The following KIF2A variants were observed in gnomAD, a reference collection of about 807,000 sequenced individuals.
KIF2A encodes kinesin family member 2A, also known as kinesin-like protein KIF2A.
KIF2A carries 22 observed loss-of-function variants against 100.2 expected under a neutral mutation model. The observed-to-expected ratio is 0.22, with a 90% CI of 0.16 to 0.31. The LOEUF (loss-of-function observed/expected upper bound fraction) is 0.31. Among genes scored for constraint, KIF2A ranks in the 10% least tolerant of loss-of-function variants. The pLI is 1.00. For missense variants in KIF2A, 495 were observed against 898.7 expected, an observed-to-expected ratio of 0.55 and a Z score of 5.74; for synonymous variants, 268 against 285.9, an observed-to-expected ratio of 0.94 and a Z score of 0.63.
At chr5:62,343,606 A>C (rs569773083) in intron 1 of KIF2A, among the ~76,000 whole-genome samples, 22 of 152,304 alleles carry the variant, frequency 1.4e-4, no homozygotes, top group African/African-American at 5.3e-4. Context: ...TGAGCAAAGG[A>C]GTAATATCTG....
intron 19 of KIF2A, among the ~76,000 whole-genome samples, chr5:62,380,036 C>T (rs568925319): frequency 8.5e-5 from 13 of 152,236 alleles, no homozygotes; most frequent in South Asian, 2.1e-4. Context: ...GGATTGCAGG[C>T]GTGTGCCATC....
chr5:62,342,643 T>G (rs990523002), intron 1 of KIF2A, among the ~76,000 whole-genome samples: 3 of 152,196 alleles, frequency 2.0e-5, no homozygotes, highest in Non-Finnish European at 2.9e-5. Flanking sequence ...TTGTTAGATC[T>G]GCATCAAGGT....
intron 1 of KIF2A, among the ~76,000 whole-genome samples, chr5:62,341,929 C>A (rs961927918): frequency 7.3e-5 from 11 of 151,362 alleles, no homozygotes; most frequent in Admixed American, 6.6e-4. Flanking sequence ...TCTTTTTTTT[C>A]CAACTAGATT....
chr5:62,327,907 C>G (rs1351811376), intron 1 of KIF2A, among the ~76,000 whole-genome samples: 2 of 152,128 alleles, frequency 1.3e-5, no homozygotes, highest in Admixed American at 1.3e-4. Context: ...AGATCCCTGT[C>G]TCGTTAGGAT....
chr5:62,334,898 G>A (rs937506183), intron 1 of KIF2A, among the ~76,000 whole-genome samples: 2 of 152,138 alleles, frequency 1.3e-5, no homozygotes, highest in Non-Finnish European at 2.9e-5. Context: ...AATACTCCCC[G>A]CCTCGGCCCA....
chr5:62,330,408 C>T (rs759555701), intron 1 of KIF2A, among the ~76,000 whole-genome samples: 1 of 152,114 alleles, frequency 6.6e-6, no homozygotes. Context: ...GATCAATCAC[C>T]TGATATGAAG....
chr5:62,327,311 C>A (rs1057184690), intron 1 of KIF2A, among the ~76,000 whole-genome samples: 1 of 152,130 alleles, frequency 6.6e-6, no homozygotes, highest in African/African-American at 2.4e-5. Context: ...AGCCTTTTGA[C>A]TACTTTATTG....
At chr5:62,345,509 G>A (rs369711777) in intron 1 of KIF2A, among the ~76,000 whole-genome samples, 1 of 118,190 alleles carries the variant, frequency 8.5e-6, no homozygotes. Flanking sequence ...AGAAAAAATA[G>A]AAGGTAGGTC....
At chr5:62,310,501 A>G (rs1475442573) in intron 1 of KIF2A, among the ~76,000 whole-genome samples, 2 of 152,148 alleles carry the variant, frequency 1.3e-5, no homozygotes, top group Non-Finnish European at 2.9e-5. Flanking sequence ...ATTTTAATTA[A>G]TCATTAGAAT....
rs551952327 is a variant in KIF2A, at chr5:62,360,255, G to A, written c.873-987G>A. Reference sequence around the variant, plus strand: ...TCCACCCACCTCAGCCTCCCAAAGTGTTGGGATTACAGGCATGAGCCACCA... The same window carrying A: ...TCCACCCACCTCAGCCTCCCAAAGTATTGGGATTACAGGCATGAGCCACCA... On this transcript the variant is annotated intron_variant, in intron 9 of 20. Coordinates refer to ENST00000407818, the MANE Select transcript of KIF2A (RefSeq NM_001098511.3). 1.4e-3 allele frequency among the ~76,000 whole-genome samples: 206 copies of A among 152,130 alleles called. 1 individual carries two copies. Among genetic ancestry groups the A allele is most frequent in the African/African-American group, 4.8e-3 (200 of 41,542 alleles).
intron 1 of KIF2A, among the ~76,000 whole-genome samples, chr5:62,325,006 C>T (rs1256791758): frequency 1.3e-5 from 2 of 152,198 alleles, no homozygotes; most frequent in African/African-American, 4.8e-5. Flanking sequence ...AAAAAGCAAA[C>T]AGTCCCATTA....
chr5:62,373,167 T>C (rs1215157583), intron 17 of KIF2A, among the ~76,000 whole-genome samples: 2 of 152,068 alleles, frequency 1.3e-5, no homozygotes, highest in East Asian at 1.9e-4. Context: ...TAAAATCTTA[T>C]AATCTTTATA....
intron 1 of KIF2A, among the ~76,000 whole-genome samples, chr5:62,314,765 T>TTTTG (rs1745729611): frequency 6.8e-6 from 1 of 146,816 alleles, no homozygotes. Context: ...ACTGTTTTTT[T>TTTTG]TTTTTTTTTT....
At chr5:62,315,416 G>A (rs1371601743) in intron 1 of KIF2A, among the ~76,000 whole-genome samples, 1 of 152,342 alleles carries the variant, frequency 6.6e-6, no homozygotes, top group East Asian at 1.9e-4. Flanking sequence ...GGTATAGCCA[G>A]GGTTGTGATC....
chr5:62,306,250 C>G lies in KIF2A; in HGVS notation c.-223C>G. On this transcript the variant is annotated 5_prime_UTR_variant, in exon 1 of 21. Transcript: ENST00000407818. ...CACGGCCCCGGCCCTAGCTTCACCCCGACTACCCGGCGTGCGCGTCCTCCT... is the reference window on the plus strand; with the variant it reads ...CACGGCCCCGGCCCTAGCTTCACCCGGACTACCCGGCGTGCGCGTCCTCCT... The G allele has an allele frequency of 1.9e-6, 1 of 527,716 alleles. No individual in the cohort carries two copies. The highest frequency in any genetic ancestry group is 3.3e-6 in the Non-Finnish European group (1 of 300,502). 32.7% of individuals were successfully genotyped at this position (527,716 alleles called of 1,614,324 possible). A position where few individuals can be genotyped will look rare whatever the true frequency, so the allele number is the denominator to read the frequency against.
intron 3 of KIF2A, 69 bp downstream of exon 3, chr5:62,348,236 A>C: frequency 1.9e-6 from 3 of 1,544,274 alleles, no homozygotes; most frequent in Non-Finnish European, 2.7e-6. Flanking sequence ...TGTGTGTTCT[A>C]GTTTGAAATT....
At chr5:62,317,803 A>C (rs1045449221) in intron 1 of KIF2A, among the ~76,000 whole-genome samples, 1 of 152,218 alleles carries the variant, frequency 6.6e-6, no homozygotes, top group Non-Finnish European at 1.5e-5. Flanking sequence ...TTAGTTTGCC[A>C]GCTACAACAA....
At chr5:62,363,444 G>C in intron 13 of KIF2A, 124 bp downstream of exon 13, 1 of 890,292 alleles carries the variant, frequency 1.1e-6, no homozygotes, top group Non-Finnish European at 1.7e-6. Flanking sequence ...ATAAAAACTT[G>C]TGTTACATGT....
chr5:62,369,911 A>G (rs1741242111), intron 16 of KIF2A, among the ~76,000 whole-genome samples: 1 of 152,144 alleles, frequency 6.6e-6, no homozygotes, highest in Non-Finnish European at 1.5e-5. Flanking sequence ...TTACTACTTA[A>G]TGGTATCAAA....
Sources: allele counts gnomAD v4.1 joint callset (sites outside exome capture counted in the v4.1 genomes callset), GRCh38; gene constraint gnomAD v4.1.1; transcripts MANE v1.5; gene names NCBI Gene and HGNC (gene_info 2026-07-23, HGNC 2026-07-21).